Variants in STK32B observed in about 807,000 individuals in gnomAD.
STK32B encodes the protein serine/threonine kinase 32B, also known as serine/threonine-protein kinase 32B.
STK32B carries 43 observed loss-of-function variants against 52.6 expected under a neutral mutation model. That is an observed-to-expected ratio of 0.82 (90% CI 0.64 to 1.05). The LOEUF (loss-of-function observed/expected upper bound fraction) is 1.05, where lower values mean the gene tolerates loss of function less well. STK32B is among the 50% of genes least tolerant of loss of function. The pLI, the probability that STK32B is intolerant of heterozygous loss-of-function variation, is 0.00. For missense variants in STK32B, 621 were observed against 534.6 expected (o/e 1.16, Z -1.59); for synonymous variants, 238 against 204.3 (o/e 1.17, Z -1.41).
intron 11 of STK32B, among the ~76,000 whole-genome samples, chr4:5,492,932 G>A (rs1719873181): frequency 6.6e-6 from 1 of 151,112 alleles, no homozygotes; most frequent in South Asian, 2.1e-4. Flanking sequence ...AAGCCCACTT[G>A]ATCATGGTGG....
At chr4:5,249,774 T>A (rs1279436447) in intron 3 of STK32B, among the ~76,000 whole-genome samples, 1 of 152,162 alleles carries the variant, frequency 6.6e-6, no homozygotes, top group Non-Finnish European at 1.5e-5. Flanking sequence ...TTTTTGTTTT[T>A]CTTTTAGTTT....
At chr4:5,292,933 G>A (rs374514873) in intron 3 of STK32B, among the ~76,000 whole-genome samples, 12 of 151,860 alleles carry the variant, frequency 7.9e-5, no homozygotes, top group African/African-American at 2.4e-4. Flanking sequence ...AATGCTATCC[G>A]TTCCCATTGC....
intron 3 of STK32B, among the ~76,000 whole-genome samples, chr4:5,328,450 C>T (rs542699849): frequency 6.6e-6 from 1 of 152,212 alleles, no homozygotes; most frequent in South Asian, 2.1e-4. Flanking sequence ...TATTAACTGG[C>T]CTAATTTCAA....
chr4:5,469,030 G>A lies in STK32B; in HGVS notation c.1106+960G>A, dbSNP rs185806545. 0.013 allele frequency among the ~76,000 whole-genome samples: 1,834 copies of A among 146,054 alleles called. 46 individuals are homozygous for A. The highest frequency in any genetic ancestry group is 0.045 in the African/African-American group (1,741 of 38,788). On this transcript the variant is annotated intron_variant, in intron 11 of 11. Coordinates refer to ENST00000282908, the MANE Select transcript of STK32B (RefSeq NM_018401.3). The surrounding 1 kb of genome is among the most constrained non-coding windows in gnomAD (Gnocchi z 4.7). ...GCGCACACTGCACTCCAGCCTGGGC[G>A]ACAGAGCAAGACTCCGTCTCAAAAA...
At chr4:5,452,701 G>T (rs936062691) in intron 7 of STK32B, among the ~76,000 whole-genome samples, 5 of 152,226 alleles carry the variant, frequency 3.3e-5, no homozygotes, top group African/African-American at 4.8e-5. Context: ...CCAAGGCCCA[G>T]CTCAACTTTA....
intron 3 of STK32B, among the ~76,000 whole-genome samples, chr4:5,280,497 T>C (rs899966903): frequency 1.3e-5 from 2 of 152,206 alleles, no homozygotes; most frequent in African/African-American, 4.8e-5. Flanking sequence ...ACTCTTCCCA[T>C]TTTGCAGTTC....
chr4:5,182,965 T>A (rs1577154904), intron 3 of STK32B, among the ~76,000 whole-genome samples: 1 of 152,312 alleles, frequency 6.6e-6, no homozygotes, highest in East Asian at 1.9e-4. Context: ...AGTATTGTTT[T>A]CTCAATAGTG....
intron 6 of STK32B, chr4:5,437,949 G>T (rs981090791): frequency 3.0e-6 from 3 of 985,494 alleles, no homozygotes; most frequent in Middle Eastern, 5.2e-4. Flanking sequence ...TGTGGGGGAG[G>T]AGGGAATGTC....
rs1723156629 is a variant in STK32B at position 5,215,918 on chromosome 4, T to G, written c.260+47468T>G. Among the ~76,000 whole-genome samples the G allele has an allele frequency of 2.0e-5, 3 of 152,230 alleles. No individual in the cohort carries two copies. In the South Asian group the frequency reaches 6.2e-4, roughly 32 times the overall value. ...GGTGCCTGTGGTGGTCTGCTCACTT[T>G]ACTCAGTCTGTTTTGTTATAGAACT... On this transcript the variant is annotated intron_variant, in intron 3 of 11. Coordinates refer to ENST00000282908, the MANE Select transcript of STK32B (RefSeq NM_018401.3).
intron 11 of STK32B, among the ~76,000 whole-genome samples, chr4:5,496,286 G>C (rs1014332013): frequency 2.6e-5 from 4 of 152,210 alleles, no homozygotes; most frequent in African/African-American, 9.6e-5. Flanking sequence ...GCAATGGCGG[G>C]CGCCCCTCCA....
intron 3 of STK32B, among the ~76,000 whole-genome samples, chr4:5,312,061 T>A (rs1560306082): frequency 6.6e-6 from 1 of 151,642 alleles, no homozygotes; most frequent in Non-Finnish European, 1.5e-5. Flanking sequence ...ACAGAAGTAA[T>A]CAATGTTAAT....
rs1737056549 is a variant in STK32B at position 5,398,312 on chromosome 4, G to A, written c.472+68G>A. On this transcript the variant is annotated intron_variant, in intron 5 of 11. Transcript: ENST00000282908. This position sits in a 1 kb window ranked among gnomAD's most constrained non-coding sequence, Gnocchi z 4.9. The stretch of plus-strand genomic sequence containing the variant: ...GTTTGAGGCACTGGGAAATAGTGCG[G>A]GGGTGGGGGTTGGGTCTTGCTGAGT... The A allele has an allele frequency of 2.6e-6, 4 of 1,557,846 alleles. No homozygotes were observed. In the Admixed American group the frequency reaches 5.1e-5, roughly 20 times the overall value.
intron 3 of STK32B, among the ~76,000 whole-genome samples, chr4:5,209,166 G>C (rs971999573): frequency 6.6e-6 from 1 of 152,178 alleles, no homozygotes; most frequent in African/African-American, 2.4e-5. Context: ...CAGTAGGGTG[G>C]GTGAAGAGGG....
At chr4:5,421,172 C>T (rs1429190221) in intron 6 of STK32B, among the ~76,000 whole-genome samples, 3 of 152,126 alleles carry the variant, frequency 2.0e-5, no homozygotes, top group African/African-American at 4.8e-5. Flanking sequence ...TCACTGCAAA[C>T]TCCACCTCCT....
chr4:5,065,877 C>T (rs1742400737), intron 1 of STK32B, among the ~76,000 whole-genome samples: 1 of 152,072 alleles, frequency 6.6e-6, no homozygotes, highest in Non-Finnish European at 1.5e-5. Context: ...GCATTCACCA[C>T]CACACCCATC....
chr4:5,252,458 G>T (rs903808866), intron 3 of STK32B, among the ~76,000 whole-genome samples: 4 of 152,192 alleles, frequency 2.6e-5, no homozygotes, highest in Non-Finnish European at 5.9e-5. Flanking sequence ...GGAAATGATT[G>T]CCAGTGCTGC....
chr4:5,230,311 T>G (rs1272323911), intron 3 of STK32B, among the ~76,000 whole-genome samples: 4 of 148,334 alleles, frequency 2.7e-5, no homozygotes, highest in Middle Eastern at 3.5e-3. Context: ...TGTCTCAGCC[T>G]CCAGAGTAGC....
intron 3 of STK32B, among the ~76,000 whole-genome samples, chr4:5,186,856 G>C (rs1720783387): frequency 6.6e-6 from 1 of 152,196 alleles, no homozygotes; most frequent in Non-Finnish European, 1.5e-5. Flanking sequence ...ATGCTTTAAA[G>C]ATACCAGGTG....
chr4:5,133,073 C>T (rs1475015044), intron 1 of STK32B, among the ~76,000 whole-genome samples: 2 of 152,234 alleles, frequency 1.3e-5, no homozygotes, highest in South Asian at 2.1e-4. Flanking sequence ...GCTGGGATTA[C>T]AGGCATGAGC....
Sources: allele counts gnomAD v4.1 joint callset (sites outside exome capture counted in the v4.1 genomes callset), GRCh38; gene constraint gnomAD v4.1.1; non-coding constraint Gnocchi (gnomAD v3.1); transcripts MANE v1.5; gene names NCBI Gene and HGNC (gene_info 2026-07-23, HGNC 2026-07-21).